The following GLIS3 variants were observed in gnomAD, a reference collection of about 807,000 sequenced individuals.
GLIS3 encodes GLIS family zinc finger 3, also known as zinc finger protein GLIS3.
Under a neutral mutation model 78.6 loss-of-function variants are expected in GLIS3, and 53 were observed. The ratio of observed to expected loss-of-function variants is 0.67; its 90% CI spans 0.54 to 0.85. GLIS3 has a LOEUF of 0.85. Ranked by LOEUF, GLIS3 falls within the 40% of genes least tolerant of loss-of-function variation. The probability of loss-of-function intolerance (pLI) is 0.00; values close to 1 mark genes in which losing one functional copy is unlikely to be tolerated. For missense variants in GLIS3, 1,703 were observed against 1,231.1 expected, an observed-to-expected ratio of 1.38 and a Z score of -5.74; for synonymous variants, 684 against 509.9, an observed-to-expected ratio of 1.34 and a Z score of -4.60.
chr9:4,099,141 T>C (rs747366239), intron 4 of GLIS3, among the ~76,000 whole-genome samples: 3 of 152,208 alleles, frequency 2.0e-5, no homozygotes, highest in Non-Finnish European at 4.4e-5. Flanking sequence ...GGCCAGCACA[T>C]AGGGCTGTCT....
intron 1 of GLIS3, among the ~76,000 whole-genome samples, chr9:4,288,162 A>G (rs1270891346): frequency 6.6e-6 from 1 of 152,222 alleles, no homozygotes; most frequent in Non-Finnish European, 1.5e-5. Flanking sequence ...GTCACCAGCC[A>G]GTCTGTAAAT....
chr9:4,468,469 G>A, the GLIS3 span, among the ~76,000 whole-genome samples: 6 of 152,130 alleles, frequency 3.9e-5, no homozygotes, highest in Non-Finnish European at 8.8e-5. Flanking sequence ...GAAGAGAGTG[G>A]GGGCCAATAT....
chr9:4,079,896 G>A (rs984512991), intron 4 of GLIS3, among the ~76,000 whole-genome samples: 60 of 152,092 alleles, frequency 3.9e-4, no homozygotes, highest in Non-Finnish European at 7.7e-4. Context: ...TTAAAAAAAA[G>A]GGAAGAAAAT....
chr9:4,118,451 G>T lies in GLIS3; in HGVS notation c.1027C>A (p.Pro343Thr), dbSNP rs367634911. The T allele has an allele frequency of 2.5e-6, 4 of 1,613,356 alleles. No homozygotes were observed. Among genetic ancestry groups the T allele is most frequent in the Non-Finnish European group, 2.5e-6 (3 of 1,180,022 alleles). Residue 343 changes from proline (P) to threonine (T), a missense_variant, in exon 4 of 11, where the codon CCG becomes ACG. Physicochemically the swap from Pro to Thr is conservative, Grantham distance 38. Transcript: ENST00000381971. This position sits in a 1 kb window ranked among gnomAD's most constrained non-coding sequence, Gnocchi z 4.7. ...AAATGCCCGTAGACCTCCGGCTGCG[G>T]GGACAGGTTGGCCGGCGAAGCCCTC... ...GSRASPANLS[P>T]QPEVYGHFLG...
the GLIS3 span, among the ~76,000 whole-genome samples, chr9:4,466,623 G>C: frequency 6.6e-6 from 1 of 152,182 alleles, no homozygotes; most frequent in East Asian, 1.9e-4. Flanking sequence ...ATGCAGGTTG[G>C]TGTATCAGGC....
At chr9:4,090,509 T>C (rs919023809) in intron 4 of GLIS3, among the ~76,000 whole-genome samples, 2 of 149,812 alleles carry the variant, frequency 1.3e-5, no homozygotes. Context: ...GAGACAAAGC[T>C]AAGGGCGGAA....
chr9:4,017,359 T>C (rs73388264), intron 4 of GLIS3, among the ~76,000 whole-genome samples: 52 of 152,208 alleles, frequency 3.4e-4, no homozygotes, highest in African/African-American at 1.1e-3. Context: ...AAGATGTAAT[T>C]TGGGTGCTGA....
At chr9:3,864,271 G>A (rs1459216769) in intron 8 of GLIS3, among the ~76,000 whole-genome samples, 1 of 152,204 alleles carries the variant, frequency 6.6e-6, no homozygotes, top group Non-Finnish European at 1.5e-5. Flanking sequence ...GTCAGACATA[G>A]CGTTCAATCT....
chr9:4,087,912 A>G (rs1829176378), intron 4 of GLIS3, among the ~76,000 whole-genome samples: 1 of 152,112 alleles, frequency 6.6e-6, no homozygotes, highest in Admixed American at 6.5e-5. Flanking sequence ...CCTCACTTCT[A>G]TTGTCCATCT....
chr9:3,905,836 C>G (rs114804264), intron 6 of GLIS3, among the ~76,000 whole-genome samples: 2,769 of 152,266 alleles, frequency 0.018, 92 homozygotes, highest in African/African-American at 0.062. Flanking sequence ...CCCCATTCTT[C>G]CACTGTCATT....
At chr9:4,171,780 A>C (rs1051713639) in intron 2 of GLIS3, among the ~76,000 whole-genome samples, 11 of 152,316 alleles carry the variant, frequency 7.2e-5, no homozygotes, top group Admixed American at 7.2e-4. Context: ...ATTTATAATG[A>C]GTGTAATTTG....
intron 4 of GLIS3, among the ~76,000 whole-genome samples, chr9:4,087,922 T>C (rs975965393): frequency 6.6e-6 from 1 of 152,180 alleles, no homozygotes; most frequent in African/African-American, 2.4e-5. Context: ...ATTGTCCATC[T>C]CGCATTATGG....
rs143028110 is a variant in GLIS3 at position 3,957,713 on chromosome 9, T to C, written c.1711-20524A>G. 2.9e-3 allele frequency among the ~76,000 whole-genome samples: 439 copies of C among 152,306 alleles called. 1 individual carries two copies. The highest frequency in any genetic ancestry group is 0.01 in the African/African-American group (419 of 41,564). The stretch of plus-strand genomic sequence containing the variant: ...AGCACCAACAGACTTCTTGGTGAGG[T>C]TTCTTTCATTGTCATTCCCAGTCCA... On this transcript the variant is annotated intron_variant, in intron 4 of 10. Coordinates refer to ENST00000381971, the MANE Select transcript of GLIS3 (RefSeq NM_001042413.2).
chr9:4,202,771 G>A (rs1426815098), intron 2 of GLIS3, among the ~76,000 whole-genome samples: 1 of 152,192 alleles, frequency 6.6e-6, no homozygotes, highest in Non-Finnish European at 1.5e-5. Flanking sequence ...GCCAAATGAA[G>A]AAGAATGAAG....
intron 4 of GLIS3, among the ~76,000 whole-genome samples, chr9:3,942,707 T>C (rs1816016769): frequency 6.6e-6 from 1 of 152,196 alleles, no homozygotes; most frequent in African/African-American, 2.4e-5. Context: ...ACACAGACTC[T>C]GCCTCAGCAG....
the GLIS3 span, among the ~76,000 whole-genome samples, chr9:4,422,744 T>A: frequency 6.6e-6 from 1 of 152,140 alleles, no homozygotes; most frequent in East Asian, 1.9e-4. Flanking sequence ...TGAGATAAAG[T>A]GTGAAAGTCA....
chr9:3,836,856 GTCT>G (rs904693652), intron 9 of GLIS3, among the ~76,000 whole-genome samples: 47 of 152,166 alleles, frequency 3.1e-4, no homozygotes, highest in African/African-American at 7.0e-4. Flanking sequence ...TCTGCTGTTC[GTCT>G]TCTTCTTCCT....
At chr9:3,964,628 T>C (rs1177439410) in intron 4 of GLIS3, among the ~76,000 whole-genome samples, 1 of 152,204 alleles carries the variant, frequency 6.6e-6, no homozygotes, top group African/African-American at 2.4e-5. Flanking sequence ...ATTTCTAAAT[T>C]TGCCTGTGTC....
At chr9:4,219,090 A>G (rs571839482) in intron 2 of GLIS3, among the ~76,000 whole-genome samples, 3 of 152,356 alleles carry the variant, frequency 2.0e-5, no homozygotes, top group African/African-American at 7.2e-5. Flanking sequence ...ATTTACCACA[A>G]TCCTCCACTA....
Sources: gnomAD v4.1 joint callset for allele counts (sites outside exome capture counted in the v4.1 genomes callset) on GRCh38, gnomAD v4.1.1 for gene constraint, Gnocchi (gnomAD v3.1) non-coding constraint, MANE v1.5 for transcripts, NCBI Gene and HGNC (gene_info 2026-07-23, HGNC 2026-07-21) for gene names.